BCAR3: variants seen among roughly 807,000 people sequenced by gnomAD.
The protein encoded by BCAR3 is BCAR3 adaptor protein, NSP family member.
BCAR3 carries 37 observed loss-of-function variants against 80.1 expected under a neutral mutation model. The observed-to-expected ratio is 0.46, with a 90% confidence interval of 0.36 to 0.61. BCAR3 has a LOEUF of 0.61. Ranked by LOEUF, BCAR3 falls within the 20% of genes least tolerant of loss-of-function variation. The pLI is 0.00. For missense variants in BCAR3, 978 were observed against 1,068.2 expected, an observed-to-expected ratio of 0.92 and a Z score of 1.18; for synonymous variants, 389 against 418.9, an observed-to-expected ratio of 0.93 and a Z score of 0.87.
intron 7 of BCAR3, among the ~76,000 whole-genome samples, chr1:93,578,756 C>T (rs150544607): frequency 6.6e-6 from 1 of 152,046 alleles, no homozygotes; most frequent in African/African-American, 2.4e-5. Context: ...AGCAGGTGCT[C>T]CAAGAGCAGA....
chr1:93,583,722 A>T (rs1673822390), intron 6 of BCAR3, among the ~76,000 whole-genome samples: 1 of 152,176 alleles, frequency 6.6e-6, no homozygotes, highest in Admixed American at 6.5e-5. Flanking sequence ...CCTGGGTTCA[A>T]ATGCTGGGTG....
intron 2 of BCAR3, among the ~76,000 whole-genome samples, chr1:93,790,629 T>TG (rs1264627349): frequency 7.5e-6 from 1 of 133,288 alleles, no homozygotes; most frequent in African/African-American, 3.1e-5. Context: ...TTTTTTTTTG[T>TG]ATTCATTTTT....
intron 3 of BCAR3, among the ~76,000 whole-genome samples, chr1:93,632,298 T>C (rs1675647719): frequency 6.6e-6 from 1 of 152,200 alleles, no homozygotes; most frequent in South Asian, 2.1e-4. Flanking sequence ...AAAGGTTCTG[T>C]TAGGCTTTTG....
intron 2 of BCAR3, among the ~76,000 whole-genome samples, chr1:93,666,987 A>G (rs948593759): frequency 2.0e-5 from 3 of 152,080 alleles, no homozygotes; most frequent in Admixed American, 6.6e-5. Context: ...CATCAGTCTG[A>G]GCCTCCTCTA....
intron 3 of BCAR3, among the ~76,000 whole-genome samples, chr1:93,624,089 C>G (rs1434746880): frequency 2.0e-5 from 3 of 152,198 alleles, no homozygotes; most frequent in Non-Finnish European, 4.4e-5. Context: ...TACTGTGCCA[C>G]TGGTGTAGGG....
intron 2 of BCAR3, among the ~76,000 whole-genome samples, chr1:93,831,587 C>T (rs1053725833): frequency 5.3e-5 from 8 of 152,098 alleles, no homozygotes; most frequent in East Asian, 1.9e-4. Context: ...TGAAGCGACT[C>T]GTCCCAAATC....
At chr1:93,811,463 A>C (rs1223335076) in intron 2 of BCAR3, among the ~76,000 whole-genome samples, 1 of 152,256 alleles carries the variant, frequency 6.6e-6, no homozygotes, top group Non-Finnish European at 1.5e-5. Flanking sequence ...CACAGCTGCT[A>C]AGTATCAGAG....
chr1:93,640,896 T>C (rs1675955276), intron 3 of BCAR3, among the ~76,000 whole-genome samples: 1 of 152,184 alleles, frequency 6.6e-6, no homozygotes, highest in Admixed American at 6.5e-5. Flanking sequence ...AAACAAGGCA[T>C]GGAGTGATTT....
rs776977845 is a variant in BCAR3, at chr1:93,562,305, T to C, written c.2414A>G (p.Asn805Ser). ...VNQTERYEKF[N>S]QILTALSRKL... ...ACGCGAGAGGGCAGTTAAAATCTGG[T>C]TGAATTTCTCATATCTCTCTGTCTG... Residue 805 changes from asparagine to serine, a missense_variant, in exon 12 of 12, where the codon AAC (asparagine) becomes AGC (serine). Physicochemically the swap from Asn to Ser is conservative, Grantham distance 46. Coordinates refer to ENST00000260502, the MANE Select transcript of BCAR3 (RefSeq NM_003567.4). 9 of 1,614,030 alleles carry C rather than the reference T, an allele frequency of 5.6e-6. No homozygotes were observed. In the East Asian group the frequency reaches 6.7e-5, roughly 12 times the overall value.
chr1:93,649,717 G>A (rs527937160), intron 2 of BCAR3, among the ~76,000 whole-genome samples: 60 of 152,018 alleles, frequency 3.9e-4, no homozygotes, highest in African/African-American at 1.2e-3. Context: ...GTGATATGAC[G>A]AATAGACCAG....
intron 2 of BCAR3, among the ~76,000 whole-genome samples, chr1:93,830,755 C>T (rs1654534563): frequency 6.6e-6 from 1 of 152,070 alleles, no homozygotes; most frequent in South Asian, 2.1e-4. Context: ...ACATTTGGTG[C>T]CAAAACCTGG....
intron 3 of BCAR3, among the ~76,000 whole-genome samples, chr1:93,690,081 T>A (rs1649139044): frequency 6.6e-6 from 1 of 152,254 alleles, no homozygotes; most frequent in Admixed American, 6.5e-5. Context: ...CTGATAAGAA[T>A]GAGGTAATTC....
In BCAR3 at chr1:93,680,929, T is replaced by C. The variant is rs1427377885; in HGVS notation, c.-12+669A>G. 3.9e-5 allele frequency among the ~76,000 whole-genome samples: 6 copies of C among 152,108 alleles called. No individual in the cohort carries two copies. The South Asian group carries it at 1.0e-3, about 26-fold the overall frequency. ...TTGGGCTGTACGATCTATCGGAACCTCCTTCCCACCGTCCCTCCCTTCCTT... is the reference window on the plus strand; with the variant it reads ...TTGGGCTGTACGATCTATCGGAACCCCCTTCCCACCGTCCCTCCCTTCCTT... On this transcript the variant is annotated intron_variant, in intron 1 of 11. Transcript: ENST00000260502.
At chr1:93,845,478 A>G (rs1272935627) in intron 2 of BCAR3, 167 of 3,148 alleles carry the variant, frequency 0.053, 12 homozygotes, top group African/African-American at 0.17. Context: ...ATATATATAT[A>G]TATATATATA....
chr1:93,821,308 T>A (rs1654213645), intron 2 of BCAR3, among the ~76,000 whole-genome samples: 1 of 152,094 alleles, frequency 6.6e-6, no homozygotes, highest in African/African-American at 2.4e-5. Flanking sequence ...GAGCAAAGCC[T>A]CCTCTGACCT....
intron 3 of BCAR3, among the ~76,000 whole-genome samples, chr1:93,619,941 C>T (rs988133846): frequency 1.3e-5 from 2 of 152,188 alleles, no homozygotes; most frequent in Non-Finnish European, 2.9e-5. Flanking sequence ...CTTCTCTGAG[C>T]CTTAGTTTCC....
chr1:93,623,791 A>G (rs931069649), intron 3 of BCAR3, among the ~76,000 whole-genome samples: 2 of 152,196 alleles, frequency 1.3e-5, no homozygotes, highest in African/African-American at 4.8e-5. Context: ...GATGTAACAT[A>G]CTGTGTCTGG....
intron 9 of BCAR3, among the ~76,000 whole-genome samples, chr1:93,570,414 A>C (rs1673165036): frequency 6.6e-6 from 1 of 152,210 alleles, no homozygotes; most frequent in South Asian, 2.1e-4. Context: ...CAAGTCCTCC[A>C]AGCATCCAGG....
At position 93,674,595 on chromosome 1, in the gene BCAR3, G is replaced by A. The variant is rs749835308; in HGVS notation, c.317+19C>T. The A allele has an allele frequency of 3.1e-6, 5 of 1,609,004 alleles. No homozygotes were observed. The highest frequency in any genetic ancestry group is 2.2e-5 in the South Asian group (2 of 90,120). On this transcript the variant is annotated intron_variant, in intron 2 of 11. Transcript: ENST00000260502. ...TGTTTAAGACAAATCATCTTCACTA[G>A]TGAAATTACAGAAGTTACCTGAAGG...
Sources: gnomAD v4.1 joint callset for allele counts (sites outside exome capture counted in the v4.1 genomes callset) on GRCh38, gnomAD v4.1.1 for gene constraint, MANE v1.5 for transcripts, NCBI Gene and HGNC (gene_info 2026-07-23, HGNC 2026-07-21) for gene names.